The following NANOGNB variants were observed in gnomAD, a reference collection of about 807,000 sequenced individuals.
NANOGNB encodes homeobox C14.
A neutral mutation model predicts 25.0 loss-of-function variants in NANOGNB; 30 were observed. The ratio of observed to expected loss-of-function variants is 1.20; its 90% CI spans 0.90 to 1.63. The LOEUF is 1.63. Ranked by LOEUF, NANOGNB falls within the 40% of genes most tolerant of loss-of-function variation. The pLI is 0.00. For synonymous variants in NANOGNB, 84 were observed against 62.1 expected, an observed-to-expected ratio of 1.35 and a Z score of -1.66; for missense variants, 200 against 188.1, an observed-to-expected ratio of 1.06 and a Z score of -0.37.
In NANOGNB at chr12:7,770,439, A is replaced by T. The variant is rs748408334; in HGVS notation, c.436A>T (p.Ile146Leu). Reference sequence around the variant, plus strand: ...CCTCCCACACCTCATTTTTTTGTAGATAAGTCAATGGTTTTGTAAAACGAG... The same window carrying T: ...CCTCCCACACCTCATTTTTTTGTAGTTAAGTCAATGGTTTTGTAAAACGAG... ...SFEFDMTHKQ[I>L]SQWFCKTRKK... Residue 146 changes from isoleucine to leucine, a missense_variant and splice_region_variant, in exon 3 of 4, where the codon ATA becomes TTA. Ile to Leu is a conservative substitution (Grantham distance 5, BLOSUM62 2). Transcript: ENST00000382119. The T allele has an allele frequency of 6.5e-7, 1 of 1,537,852 alleles. No homozygotes were observed. Among genetic ancestry groups the T allele is most frequent in the South Asian group, 1.2e-5 (1 of 82,250 alleles).
chr12:7,766,608 C>T lies in NANOGNB; in HGVS notation c.102+1221C>T, dbSNP rs138116714. 1.1e-4 allele frequency among the ~76,000 whole-genome samples: 17 copies of T among 152,338 alleles called. No homozygotes were observed. The East Asian group carries it at 3.1e-3, about 28-fold the overall frequency. Reference sequence around the variant, plus strand: ...TTGTTTTTGTTTCTTGAGTCACAGTCTTGTTCTGTTGCCCAGGCTGGAGTG... The same window carrying T: ...TTGTTTTTGTTTCTTGAGTCACAGTTTTGTTCTGTTGCCCAGGCTGGAGTG... On this transcript the variant is annotated intron_variant, in intron 1 of 3. Coordinates refer to ENST00000382119, the MANE Select transcript of NANOGNB (RefSeq NM_001145465.1).
intron 1 of NANOGNB, among the ~76,000 whole-genome samples, chr12:7,765,735 AAGAT>A (rs1402551140): frequency 2.0e-5 from 3 of 152,022 alleles, no homozygotes; most frequent in African/African-American, 4.8e-5. Flanking sequence ...TGGCTTTACT[AAGAT>A]AGAGAGGCCT....
chr12:7,771,554 A>G (rs989070731), intron 3 of NANOGNB, among the ~76,000 whole-genome samples: 3 of 152,116 alleles, frequency 2.0e-5, no homozygotes, highest in African/African-American at 7.2e-5. Context: ...GACCGTATAT[A>G]GAATTTTAAT....
intron 1 of NANOGNB, among the ~76,000 whole-genome samples, chr12:7,769,371 G>T (rs914122161): frequency 6.7e-6 from 1 of 150,256 alleles, no homozygotes; most frequent in Admixed American, 6.7e-5. Context: ...TTGCCAGGCT[G>T]GAGTGCAGTG....
At chr12:7,767,964 C>G (rs1474011006) in intron 1 of NANOGNB, among the ~76,000 whole-genome samples, 2 of 152,000 alleles carry the variant, frequency 1.3e-5, no homozygotes, top group Non-Finnish European at 2.9e-5. Context: ...CCTCTCGCCT[C>G]GGCCTCCCAA....
chr12:7,767,524 C>T (rs909771048), intron 1 of NANOGNB, among the ~76,000 whole-genome samples: 5 of 151,912 alleles, frequency 3.3e-5, no homozygotes, highest in Non-Finnish European at 5.9e-5. Flanking sequence ...AGTTAGCTGC[C>T]ATCCCACCTC....
In NANOGNB at chr12:7,770,444, T is replaced by C. The variant is rs1291754698; in HGVS notation, c.441T>C (p.Ser147=). The C allele has an allele frequency of 1.9e-6, 3 of 1,539,120 alleles. No homozygotes were observed. Among genetic ancestry groups the C allele is most frequent in the African/African-American group, 2.8e-5 (2 of 72,608 alleles). The change falls in exon 3 of 4, where the codon AGT becomes AGC. Residue 147 remains serine (S), a synonymous_variant. Coordinates refer to ENST00000382119, the MANE Select transcript of NANOGNB (RefSeq NM_001145465.1). ...CACACCTCATTTTTTTGTAGATAAG[T>C]CAATGGTTTTGTAAAACGAGGAAGA... ...FEFDMTHKQI[S]QWFCKTRKKY... is the part of the protein sequence containing the mutation.
intron 1 of NANOGNB, among the ~76,000 whole-genome samples, chr12:7,766,921 A>G (rs1865251420): frequency 6.6e-6 from 1 of 152,072 alleles, no homozygotes; most frequent in Non-Finnish European, 1.5e-5. Context: ...GCTCACTGCA[A>G]TCTTTGCCTC....
At chr12:7,770,819 T>A (rs1865286346) in intron 3 of NANOGNB, among the ~76,000 whole-genome samples, 1 of 152,050 alleles carries the variant, frequency 6.6e-6, no homozygotes, top group South Asian at 2.1e-4. Flanking sequence ...TCCATGTTGG[T>A]TAGGCTGATC....
chr12:7,770,344 A>G (rs1565471714), intron 2 of NANOGNB, 29 bp downstream of exon 2: 3 of 1,518,318 alleles, frequency 2.0e-6, no homozygotes, highest in Non-Finnish European at 8.8e-7. Context: ...ACATTTCTTC[A>G]TTGATAGACA....
At chr12:7,768,895 G>A (rs1302637296) in intron 1 of NANOGNB, among the ~76,000 whole-genome samples, 1 of 151,720 alleles carries the variant, frequency 6.6e-6, no homozygotes, top group Non-Finnish European at 1.5e-5. Flanking sequence ...TGCAGTGGCT[G>A]GGCTGGGATT....
At position 7,768,827 on chromosome 12, in the gene NANOGNB, C is replaced by G. The variant is rs569708395; in HGVS notation, c.103-1156C>G. On this transcript the variant is annotated intron_variant, in intron 1 of 3. Transcript: ENST00000382119. ...GATTACAGGCGTGAGCCACCGCGCCCGGCCGGCATATTTCTTTTCTTTTGA... is the reference window on the plus strand; with the variant it reads ...GATTACAGGCGTGAGCCACCGCGCCGGGCCGGCATATTTCTTTTCTTTTGA... Among the ~76,000 whole-genome samples the G allele has an allele frequency of 3.3e-5, 5 of 152,102 alleles. No homozygotes were observed. The South Asian group carries it at 1.0e-3, about 32-fold the overall frequency.
chr12:7,768,398 G>A (rs766933627), intron 1 of NANOGNB, among the ~76,000 whole-genome samples: 17 of 152,210 alleles, frequency 1.1e-4, no homozygotes, highest in Non-Finnish European at 2.5e-4. Context: ...TAGTTTTTTA[G>A]GGGTGATATC....
chr12:7,769,964 C>T lies in NANOGNB; in HGVS notation c.103-19C>T. ...ATTTAGCTGCAGCTTGATTTTATTC[C>T]ACGGATCTTTTTATACAGAAACAAT... On this transcript the variant is annotated intron_variant, in intron 1 of 3. Transcript: ENST00000382119. 1.4e-6 allele frequency: 2 copies of T among 1,475,954 alleles called. No homozygotes were observed. The highest frequency in any genetic ancestry group is 1.4e-5 in the South Asian group (1 of 71,332). The allele number at this position is 1,475,954 out of a possible 1,614,324, so 91.4% of individuals were successfully genotyped here.
chr12:7,773,055 A>G (rs1473811117), intron 3 of NANOGNB, among the ~76,000 whole-genome samples: 5 of 151,678 alleles, frequency 3.3e-5, no homozygotes, highest in Non-Finnish European at 7.4e-5. Context: ...TCTAGGCTCT[A>G]TCAATTTGTT....
chr12:7,765,439 G>A (rs769940079), intron 1 of NANOGNB, 52 bp downstream of exon 1: 14 of 351,194 alleles, frequency 4.0e-5, no homozygotes, highest in African/African-American at 6.7e-5. Context: ...GCGTGGTGGC[G>A]GGCGCCTGTA....
At chr12:7,770,354 A>G (rs1227216710) in intron 2 of NANOGNB, 39 bp downstream of exon 2, 19 of 1,518,374 alleles carry the variant, frequency 1.3e-5, no homozygotes, top group Non-Finnish European at 1.5e-5. Flanking sequence ...ATTGATAGAC[A>G]AAGTCACTTG....
intron 3 of NANOGNB, among the ~76,000 whole-genome samples, chr12:7,772,980 C>T (rs1862596950): frequency 6.6e-6 from 1 of 152,032 alleles, no homozygotes; most frequent in South Asian, 2.1e-4. Context: ...CTGCATTTCC[C>T]AGCAATCATT....
intron 1 of NANOGNB, chr12:7,766,206 C>A (rs1200842630): frequency 1.8e-5 from 7 of 398,542 alleles, no homozygotes; most frequent in Non-Finnish European, 8.8e-6. Flanking sequence ...CACAGTGGCT[C>A]ACACCTCAAA....
Sources: gnomAD v4.1 joint callset for allele counts (sites outside exome capture counted in the v4.1 genomes callset) on GRCh38, gnomAD v4.1.1 for gene constraint, MANE v1.5 for transcripts, NCBI Gene and HGNC (gene_info 2026-07-23, HGNC 2026-07-21) for gene names.